The following PLD5 variants were observed in gnomAD, a reference collection of about 807,000 sequenced individuals.
PLD5 encodes phospholipase D family member 5.
A neutral mutation model predicts 61.1 loss-of-function variants in PLD5; 36 were observed. That is an observed-to-expected ratio of 0.59 (90% confidence interval 0.45 to 0.78). The LOEUF is 0.78. PLD5 is among the 30% of genes least tolerant of loss of function. The probability of loss-of-function intolerance (pLI) is 0.00; values close to 1 mark genes in which losing one functional copy is unlikely to be tolerated. For missense variants in PLD5, 515 were observed against 644.4 expected (o/e 0.80, Z 2.17); for synonymous variants, 243 against 242.8 (o/e 1.00, Z -0.01).
chr1:242,455,798 G>A (rs1444197341), intron 1 of PLD5, among the ~76,000 whole-genome samples: 1 of 152,192 alleles, frequency 6.6e-6, no homozygotes, highest in Non-Finnish European at 1.5e-5. Flanking sequence ...AGCCATGAGG[G>A]AGAAAAGAGA....
chr1:242,476,339 G>C (rs1394174260), intron 1 of PLD5, among the ~76,000 whole-genome samples: 1 of 151,562 alleles, frequency 6.6e-6, no homozygotes, highest in African/African-American at 2.4e-5. Context: ...TGGGCGATGA[G>C]AGTGAAACTC....
chr1:242,140,600 G>A (rs1247229246), intron 5 of PLD5, among the ~76,000 whole-genome samples: 2 of 152,236 alleles, frequency 1.3e-5, no homozygotes, highest in East Asian at 1.9e-4. Context: ...TCACACCACC[G>A]CACTCCAGCT....
chr1:242,411,294 G>A (rs113278742), intron 1 of PLD5, among the ~76,000 whole-genome samples: 5,009 of 152,262 alleles, frequency 0.033, 289 homozygotes, highest in African/African-American at 0.11. Flanking sequence ...GGAGTGCAGT[G>A]GCACGATCTC....
intron 1 of PLD5, among the ~76,000 whole-genome samples, chr1:242,398,983 G>T (rs1184277223): frequency 6.6e-6 from 1 of 152,136 alleles, no homozygotes; most frequent in East Asian, 1.9e-4. Flanking sequence ...TCAATCCAAG[G>T]AAGATGACAC....
At chr1:242,187,047 G>C (rs1667948249) in intron 5 of PLD5, among the ~76,000 whole-genome samples, 1 of 152,146 alleles carries the variant, frequency 6.6e-6, no homozygotes, top group South Asian at 2.1e-4. Flanking sequence ...AATCTTACAG[G>C]CATATCCACT....
At chr1:242,153,583 T>A (rs1273238789) in intron 5 of PLD5, among the ~76,000 whole-genome samples, 4 of 152,140 alleles carry the variant, frequency 2.6e-5, no homozygotes, top group African/African-American at 4.8e-5. Flanking sequence ...CTAGCCAGTT[T>A]TCCCAGCACC....
chr1:242,337,184 T>C (rs1400643023), intron 2 of PLD5, among the ~76,000 whole-genome samples: 4 of 129,480 alleles, frequency 3.1e-5, no homozygotes, highest in African/African-American at 5.5e-5. Flanking sequence ...GCTCTGAGAA[T>C]TGCAAGGTAA....
Position 242,409,072 on chromosome 1 carries a change from AAAAGAAAAG to A in PLD5, c.190-60839_190-60831del, listed in dbSNP as rs779629378. Among the ~76,000 whole-genome samples, 11 of 120,678 alleles carry A rather than the reference AAAAGAAAAG, an allele frequency of 9.1e-5. No homozygotes were observed. The South Asian group carries it at 1.4e-3, about 15-fold the overall frequency. 79.2% of individuals were successfully genotyped at this position (120,678 alleles called of 152,430 possible). On this transcript the variant is annotated intron_variant, in intron 1 of 9. Transcript: ENST00000536534. ...AAAGAGCAAGACTCCTCTCAAAAAA[AAAAGAAAAG>A]AAAAGAAAAGAAAAGAAAAACAAGA... is the stretch of plus-strand genomic sequence containing the variant.
intron 1 of PLD5, among the ~76,000 whole-genome samples, chr1:242,502,687 G>A (rs191556764): frequency 1.5e-3 from 231 of 152,198 alleles, no homozygotes; most frequent in African/African-American, 5.3e-3. Flanking sequence ...GTGTGTGTAT[G>A]TGCGTGTGTG....
At chr1:242,216,699 C>T (rs1044689808) in intron 5 of PLD5, among the ~76,000 whole-genome samples, 15 of 152,208 alleles carry the variant, frequency 9.9e-5, no homozygotes, top group Non-Finnish European at 1.5e-4. Context: ...TGTGAGTGGC[C>T]TGGACCCTCA....
intron 4 of PLD5, among the ~76,000 whole-genome samples, chr1:242,251,061 T>C (rs553879711): frequency 2.0e-5 from 3 of 152,240 alleles, no homozygotes; most frequent in South Asian, 2.1e-4. Flanking sequence ...AAGAAGAACA[T>C]GGAGGGCCAG....
intron 1 of PLD5, among the ~76,000 whole-genome samples, chr1:242,507,748 G>A (rs1336196129): frequency 1.3e-5 from 2 of 152,124 alleles, no homozygotes; most frequent in Non-Finnish European, 2.9e-5. Context: ...GGAAGGAAAT[G>A]TTTTCCTAGA....
intron 1 of PLD5, among the ~76,000 whole-genome samples, chr1:242,366,280 A>C (rs997132795): frequency 5.3e-5 from 8 of 152,212 alleles, no homozygotes; most frequent in African/African-American, 1.9e-4. Flanking sequence ...AGGGAAGATA[A>C]TTTTTCAATT....
At chr1:242,187,620 G>A (rs951555889) in intron 5 of PLD5, among the ~76,000 whole-genome samples, 8 of 152,130 alleles carry the variant, frequency 5.3e-5, no homozygotes, top group Non-Finnish European at 1.0e-4. Context: ...GTTTCATTAA[G>A]TGCACGTAGA....
chr1:242,252,830 T>C (rs2149084308), intron 4 of PLD5, among the ~76,000 whole-genome samples: 1 of 150,038 alleles, frequency 6.7e-6, no homozygotes, highest in East Asian at 1.9e-4. Flanking sequence ...TTTTTTTTTT[T>C]TTTTGAGATG....
intron 1 of PLD5, among the ~76,000 whole-genome samples, chr1:242,411,920 C>G (rs1664579020): frequency 6.7e-6 from 1 of 149,622 alleles, no homozygotes; most frequent in Non-Finnish European, 1.5e-5. Flanking sequence ...AGGTTTAGTA[C>G]TTATAATTTT....
chr1:242,085,875 G>A lies in PLD5; in HGVS notation c.*3979C>T, dbSNP rs1436164559. The A allele has an allele frequency of 2.0e-5, 3 of 147,934 alleles. No homozygotes were observed. The highest frequency in any genetic ancestry group is 2.5e-5 in the African/African-American group (1 of 40,388). 9.2% of individuals were successfully genotyped at this position (147,934 alleles called of 1,614,324 possible). Reference sequence around the variant, plus strand: ...ACACACACCAGTGGTCATACGTGTGGAAAAAAAAAAAAGTTAATTGTAGGA... The same window carrying A: ...ACACACACCAGTGGTCATACGTGTGAAAAAAAAAAAAAGTTAATTGTAGGA... On this transcript the variant is annotated 3_prime_UTR_variant, in exon 10 of 10. Coordinates refer to ENST00000536534, the MANE Select transcript of PLD5 (RefSeq NM_001372062.1).
chr1:242,167,087 A>G (rs912283233), intron 5 of PLD5, among the ~76,000 whole-genome samples: 189 of 139,656 alleles, frequency 1.4e-3, no homozygotes, highest in Non-Finnish European at 2.3e-3. Flanking sequence ...AGTAATAATA[A>G]TAATAATAAT....
chr1:242,387,365 G>T (rs962727029), intron 1 of PLD5, among the ~76,000 whole-genome samples: 1 of 152,172 alleles, frequency 6.6e-6, no homozygotes, highest in African/African-American at 2.4e-5. Flanking sequence ...AGGCTAAAGT[G>T]ATTCTGACAA....
Sources: allele counts gnomAD v4.1 joint callset (sites outside exome capture counted in the v4.1 genomes callset), GRCh38; gene constraint gnomAD v4.1.1; transcripts MANE v1.5; gene names NCBI Gene and HGNC (gene_info 2026-07-23, HGNC 2026-07-21).